The following ZNF248 variants were observed in gnomAD, a reference collection of about 807,000 sequenced individuals.
ZNF248 encodes the protein KRAB protein domain.
Under a neutral mutation model 44.3 loss-of-function variants are expected in ZNF248, and 20 were observed. That is an observed-to-expected ratio of 0.45 (90% CI 0.32 to 0.66). The LOEUF (loss-of-function observed/expected upper bound fraction) is 0.66. ZNF248 is among the 30% of genes least tolerant of loss of function. ZNF248 has a pLI of 0.04. For synonymous variants in ZNF248, 224 were observed against 229.0 expected, an observed-to-expected ratio of 0.98 and a Z score of 0.20; for missense variants, 654 against 677.0, an observed-to-expected ratio of 0.97 and a Z score of 0.38.
Position 37,856,452 on chromosome 10 carries a change from C to A in ZNF248, c.-45G>T. The A allele has an allele frequency of 7.1e-7, 1 of 1,414,204 alleles. No homozygotes were observed. The allele number at this position is 1,414,204 out of a possible 1,614,324, so 87.6% of individuals were successfully genotyped here. On this transcript the variant is annotated 5_prime_UTR_variant, in exon 2 of 6. Transcript: ENST00000395867. ...ATACTTACGTGTCCATGTGTGGCTC[C>A]GATATATGCTGAGCTCAGACATGAC...
intron 6 of ZNF248, among the ~76,000 whole-genome samples, chr10:37,789,991 A>G (rs1031091916): frequency 2.0e-5 from 3 of 151,824 alleles, no homozygotes; most frequent in Admixed American, 2.0e-4. Flanking sequence ...GCCGGGCGCC[A>G]TGGCTCATGC....
At chr10:37,778,009 T>C (rs989142850) in intron 6 of ZNF248, among the ~76,000 whole-genome samples, 9 of 152,062 alleles carry the variant, frequency 5.9e-5, no homozygotes, top group African/African-American at 1.7e-4. Flanking sequence ...TGTGCATGTG[T>C]CTTTATAGCA....
chr10:37,836,494 T>TG (rs1435290327), intron 5 of ZNF248, among the ~76,000 whole-genome samples: 1 of 152,150 alleles, frequency 6.6e-6, no homozygotes, highest in Non-Finnish European at 1.5e-5. Context: ...AGAACACACC[T>TG]GTCTAAGAGG....
chr10:37,768,224 G>C, the ZNF248 span, among the ~76,000 whole-genome samples: 1 of 152,152 alleles, frequency 6.6e-6, no homozygotes, highest in Admixed American at 6.5e-5. Flanking sequence ...CAATGAGACA[G>C]AAAGTTAACA....
intron 6 of ZNF248, among the ~76,000 whole-genome samples, chr10:37,808,953 CTT>C (rs2051038179): frequency 6.6e-6 from 1 of 151,980 alleles, no homozygotes; most frequent in South Asian, 2.1e-4. Context: ...TCAGTATTGA[CTT>C]ATGTCAATGA....
chr10:37,764,195 A>C, the ZNF248 span, among the ~76,000 whole-genome samples: 1 of 152,064 alleles, frequency 6.6e-6, no homozygotes, highest in South Asian at 2.1e-4. Flanking sequence ...TCCTAGGGGG[A>C]GGTCTCTAAA....
the ZNF248 span, among the ~76,000 whole-genome samples, chr10:37,762,631 A>G: frequency 2.7e-4 from 41 of 152,316 alleles, no homozygotes; most frequent in African/African-American, 9.9e-4. Flanking sequence ...TATTTATAGC[A>G]TTTTATAAAA....
chr10:37,779,875 A>G (rs2132858866), intron 6 of ZNF248, among the ~76,000 whole-genome samples: 1 of 151,160 alleles, frequency 6.6e-6, no homozygotes, highest in South Asian at 2.1e-4. Context: ...CCAACAACAG[A>G]CAAACAGAGA....
chr10:37,821,590 A>T (rs1428774839), intron 6 of ZNF248, among the ~76,000 whole-genome samples: 1 of 152,162 alleles, frequency 6.6e-6, no homozygotes, highest in Non-Finnish European at 1.5e-5. Context: ...ATTTTACTGA[A>T]CATACCTGGC....
the ZNF248 span, among the ~76,000 whole-genome samples, chr10:37,771,026 T>C: frequency 2.0e-3 from 307 of 152,206 alleles, 2 homozygotes; most frequent in Middle Eastern, 0.02. Context: ...AAAAAATGCT[T>C]ATCATCACTG....
intron 6 of ZNF248, among the ~76,000 whole-genome samples, chr10:37,777,547 T>C (rs2132806310): frequency 6.6e-6 from 1 of 152,214 alleles, no homozygotes; most frequent in South Asian, 2.1e-4. Context: ...TTTTTTTTTT[T>C]TTTTCAATTA....
intron 3 of ZNF248, among the ~76,000 whole-genome samples, chr10:37,845,822 A>G (rs994407898): frequency 3.3e-5 from 5 of 152,190 alleles, no homozygotes; most frequent in Non-Finnish European, 5.9e-5. Context: ...TAATATGTCA[A>G]AAATGCTCCC....
In ZNF248 at chr10:37,807,695, A is replaced by G. The variant is rs542605691; in HGVS notation, c.330+25330T>C. On this transcript the variant is annotated intron_variant, in intron 6 of 6. Transcript: ENST00000615949. ...ATTGTTTTCTGAATTTCCTTTTAGG[A>G]TTTTTTATTGTTAGTATATACAAAC... Among the ~76,000 whole-genome samples, 12 of 152,128 alleles carry G rather than the reference A, an allele frequency of 7.9e-5. No individual in the cohort carries two copies. The South Asian group carries it at 2.3e-3, about 29-fold the overall frequency.
At chr10:37,808,340 G>A (rs542883145) in intron 6 of ZNF248, among the ~76,000 whole-genome samples, 187 of 151,206 alleles carry the variant, frequency 1.2e-3, no homozygotes, top group African/African-American at 4.1e-3. Context: ...TGGAGTGCAG[G>A]GATGTGATCT....
intron 6 of ZNF248, among the ~76,000 whole-genome samples, chr10:37,791,201 C>A (rs1166631365): frequency 4.0e-5 from 6 of 151,414 alleles, no homozygotes; most frequent in African/African-American, 1.5e-4. Context: ...GCCACCACGA[C>A]CGGCTAATTT....
chr10:37,806,537 CT>C (rs954673941), intron 6 of ZNF248, among the ~76,000 whole-genome samples: 6 of 150,456 alleles, frequency 4.0e-5, no homozygotes, highest in East Asian at 3.9e-4. Context: ...ATCTGAATAT[CT>C]TTTTTTTTAA....
intron 3 of ZNF248, among the ~76,000 whole-genome samples, chr10:37,845,704 A>C (rs988176690): frequency 2.0e-5 from 3 of 152,020 alleles, no homozygotes; most frequent in Non-Finnish European, 4.4e-5. Context: ...TAGAACTATG[A>C]AAAGGCAGGA....
At chr10:37,851,645 G>A (rs2060243347) in intron 3 of ZNF248, among the ~76,000 whole-genome samples, 1 of 151,422 alleles carries the variant, frequency 6.6e-6, no homozygotes, top group Non-Finnish European at 1.5e-5. Flanking sequence ...CATTCTTCCA[G>A]TACAGTTCTA....
Position 37,837,979 on chromosome 10 carries a change from C to A in ZNF248, c.142+6G>T. 1 of 1,612,254 alleles carries A rather than the reference C, an allele frequency of 6.2e-7. No individual in the cohort carries two copies. Among genetic ancestry groups the A allele is most frequent in the South Asian group, 1.1e-5 (1 of 90,842 alleles). ...TGATAGCCATGTGCGGAAAAAAACTCCTTACCTACTGAGACAAGATTGCTA... is the reference window on the plus strand; with the variant it reads ...TGATAGCCATGTGCGGAAAAAAACTACTTACCTACTGAGACAAGATTGCTA... On this transcript the variant is annotated splice_donor_region_variant and intron_variant, in intron 4 of 5. Coordinates refer to ENST00000395867, the MANE Select transcript of ZNF248 (RefSeq NM_021045.3).
Sources: allele counts gnomAD v4.1 joint callset (sites outside exome capture counted in the v4.1 genomes callset), GRCh38; gene constraint gnomAD v4.1.1; transcripts MANE v1.5; gene names NCBI Gene and HGNC (gene_info 2026-07-23, HGNC 2026-07-21).